The following SYNE1 variants were observed in gnomAD, a reference collection of about 807,000 sequenced individuals.
The protein encoded by SYNE1 is spectrin repeat containing nuclear envelope protein 1, also known as nesprin-1.
Under a neutral mutation model 1,111.0 loss-of-function variants are expected in SYNE1, and 616 were observed. That is an observed-to-expected ratio of 0.55 (90% CI 0.52 to 0.59). The LOEUF is 0.59. Ranked by LOEUF, SYNE1 falls within the 20% of genes least tolerant of loss-of-function variation. SYNE1 has a pLI of 0.00. For synonymous variants in SYNE1, 3,855 were observed against 3,825.8 expected (o/e 1.01, Z -0.28); for missense variants, 10,006 against 10,417.0 (o/e 0.96, Z 1.72).
intron 3 of SYNE1, among the ~76,000 whole-genome samples, chr6:152,559,737 A>C (rs914847084): frequency 2.0e-5 from 3 of 152,160 alleles, no homozygotes; most frequent in Admixed American, 2.0e-4. Context: ...AAAAAGAGAA[A>C]GACTAAGCCC....
intron 14 of SYNE1, chr6:152,481,589 TA>T (rs561533821): frequency 1.1e-5 from 5 of 448,440 alleles, no homozygotes; most frequent in Admixed American, 5.0e-5. Context: ...CCAGTTAAGG[TA>T]AAAAAATAGT....
chr6:152,621,290 AAG>A (rs1046947317), intron 3 of SYNE1, among the ~76,000 whole-genome samples: 29 of 152,224 alleles, frequency 1.9e-4, no homozygotes, highest in African/African-American at 7.0e-4. Flanking sequence ...AGGGAGGTCA[AAG>A]AAGTAATTTT....
At chr6:152,168,850 A>G (rs749998119) in intron 130 of SYNE1, among the ~76,000 whole-genome samples, 5 of 152,226 alleles carry the variant, frequency 3.3e-5, no homozygotes, top group Admixed American at 6.5e-5. Flanking sequence ...TCCTTTAAAA[A>G]TAATCATGTA....
intron 3 of SYNE1, among the ~76,000 whole-genome samples, chr6:152,601,277 G>A (rs1393829792): frequency 6.6e-6 from 1 of 152,194 alleles, no homozygotes; most frequent in Non-Finnish European, 1.5e-5. Flanking sequence ...TATATATGAT[G>A]TGATCATTGT....
At chr6:152,477,428 A>C (rs531415617) in intron 14 of SYNE1, among the ~76,000 whole-genome samples, 1 of 152,282 alleles carries the variant, frequency 6.6e-6, no homozygotes, top group African/African-American at 2.4e-5. Flanking sequence ...CGGGAATATC[A>C]GTAAGAGGAT....
chr6:152,624,944 G>T (rs1171320015), intron 3 of SYNE1, among the ~76,000 whole-genome samples: 4 of 80,690 alleles, frequency 5.0e-5, no homozygotes, highest in Non-Finnish European at 1.2e-4. Flanking sequence ...AAAGCTGCAT[G>T]CTCTTTATTA....
chr6:152,470,427 T>C (rs11965415), intron 16 of SYNE1, among the ~76,000 whole-genome samples: 10,274 of 152,226 alleles, frequency 0.067, 1,156 homozygotes, highest in African/African-American at 0.23. Context: ...ACTAACGTAA[T>C]TGCTTGAAGC....
intron 78 of SYNE1, 137 bp downstream of exon 78, chr6:152,329,593 A>AC: frequency 9.0e-7 from 1 of 1,112,892 alleles, no homozygotes; most frequent in Non-Finnish European, 1.3e-6. Context: ...CATTTAAGTC[A>AC]CTGCTGAAGA....
chr6:152,549,049 C>T (rs1405628441), intron 3 of SYNE1, among the ~76,000 whole-genome samples: 1 of 152,172 alleles, frequency 6.6e-6, no homozygotes, highest in Non-Finnish European at 1.5e-5. Context: ...GAACTAACCA[C>T]CAGGCACGTG....
intron 138 of SYNE1, among the ~76,000 whole-genome samples, chr6:152,141,994 C>A (rs1329552273): frequency 1.3e-5 from 2 of 151,954 alleles, no homozygotes; most frequent in Admixed American, 1.3e-4. Flanking sequence ...TTGCTTGAGC[C>A]CAGGAATTCA....
In SYNE1 at chr6:152,331,249, C is replaced by A. The variant is rs768085752; in HGVS notation, c.13436G>T (p.Arg4479Leu). ...ATCTGGTAACAGACAGATGTGTTCA[C>A]GGAACATTATCTTTCGCTCATGTTG... The part of the protein sequence containing the change: ...IQQHERKIMF[R>L]EHICLLPDDV... Residue 4479 changes from arginine to leucine, a missense_variant, in exon 78 of 146, where the codon CGT becomes CTT. Around this residue, in one of 7 missense-constraint regions of SYNE1, gnomAD observed 4,955 missense variants for 5,017.2 expected, o/e 0.99. Transcript: ENST00000367255. The A allele has an allele frequency of 1.2e-6, 2 of 1,614,106 alleles. No homozygotes were observed. The highest frequency in any genetic ancestry group is 1.7e-6 in the Non-Finnish European group (2 of 1,180,034).
intron 95 of SYNE1, among the ~76,000 whole-genome samples, chr6:152,284,637 T>A (rs1379015815): frequency 1.4e-5 from 2 of 140,396 alleles, no homozygotes; most frequent in African/African-American, 5.4e-5. Flanking sequence ...TTTTTTTTTT[T>A]ACTTTTTGTA....
chr6:152,332,914 T>G (rs1330376819), intron 77 of SYNE1, among the ~76,000 whole-genome samples: 2 of 152,188 alleles, frequency 1.3e-5, no homozygotes, highest in Non-Finnish European at 2.9e-5. Context: ...CTGTTAAGTC[T>G]CAGGTGTCTG....
At chr6:152,622,753 A>G (rs1179696665) in intron 3 of SYNE1, among the ~76,000 whole-genome samples, 2 of 152,132 alleles carry the variant, frequency 1.3e-5, no homozygotes, top group Non-Finnish European at 2.9e-5. Flanking sequence ...TTATAATAGA[A>G]TGATTTATAT....
chr6:152,142,417 T>C (rs2058706466), intron 138 of SYNE1, among the ~76,000 whole-genome samples: 1 of 152,192 alleles, frequency 6.6e-6, no homozygotes, highest in Non-Finnish European at 1.5e-5. Flanking sequence ...TAGAGCAATA[T>C]TAAAGCCAGC....
chr6:152,182,746 A>G (rs2068465675), intron 128 of SYNE1, among the ~76,000 whole-genome samples: 1 of 152,206 alleles, frequency 6.6e-6, no homozygotes, highest in African/African-American at 2.4e-5. Context: ...CAGGATACGT[A>G]TCCCAAGGCC....
intron 38 of SYNE1, 51 bp downstream of exon 38, chr6:152,427,642 T>G: frequency 6.2e-7 from 1 of 1,607,152 alleles, no homozygotes; most frequent in South Asian, 1.1e-5. Flanking sequence ...ATAATGTAAC[T>G]GTAACAAAAA....
chr6:152,384,362 GA>G (rs2097485952), intron 55 of SYNE1, among the ~76,000 whole-genome samples: 1 of 152,178 alleles, frequency 6.6e-6, no homozygotes, highest in South Asian at 2.1e-4. Flanking sequence ...GTTCCTTAGG[GA>G]ATGCACAGTC....
Position 152,201,933 on chromosome 6 carries a change from T to C in SYNE1, c.23036A>G (p.Glu7679Gly). ...CTCCAGGGAATCTGCTATTCCTTTCTCACATTTTTCCCAGTCCTATCATGG... is the reference window on the plus strand; with the variant it reads ...CTCCAGGGAATCTGCTATTCCTTTCCCACATTTTTCCCAGTCCTATCATGG... ...AFLLKDWEKC[E>G]KGIADSLEKL... The change falls in exon 127 of 146, where the codon GAG becomes GGG. Residue 7679 changes from glutamate (E) to glycine (G), a missense_variant. Around this residue, in one of 7 missense-constraint regions of SYNE1, gnomAD observed 2,182 missense variants for 2,287.8 expected, o/e 0.95. Coordinates refer to ENST00000367255, the MANE Select transcript of SYNE1 (RefSeq NM_182961.4). 1 of 1,613,966 alleles carries C rather than the reference T, an allele frequency of 6.2e-7. No individual in the cohort carries two copies. Among genetic ancestry groups the C allele is most frequent in the Non-Finnish European group, 8.5e-7 (1 of 1,179,878 alleles).
Sources: allele counts gnomAD v4.1 joint callset (sites outside exome capture counted in the v4.1 genomes callset), GRCh38; gene constraint gnomAD v4.1.1; regional missense constraint gnomAD v4.1.1; transcripts MANE v1.5; gene names NCBI Gene and HGNC (gene_info 2026-07-23, HGNC 2026-07-21).